Variants in POU1F1 observed in about 807,000 individuals in gnomAD.
POU1F1 encodes POU class 1 homeobox 1.
Under a neutral mutation model 32.3 loss-of-function variants are expected in POU1F1, and 23 were observed. The ratio of observed to expected loss-of-function variants is 0.71; its 90% confidence interval spans 0.51 to 1.01. POU1F1 has a LOEUF of 1.01. Among genes scored for constraint, POU1F1 ranks in the 50% least tolerant of loss-of-function variants. The pLI is 0.00. For missense variants in POU1F1, 323 were observed against 341.6 expected (o/e 0.95, Z 0.43); for synonymous variants, 120 against 115.6 (o/e 1.04, Z -0.25).
chr3:87,263,965 T>C (rs975707184), intron 3 of POU1F1, among the ~76,000 whole-genome samples: 1 of 152,048 alleles, frequency 6.6e-6, no homozygotes, highest in African/African-American at 2.4e-5. Flanking sequence ...ATGTCACTTA[T>C]ACTCTTTTGT....
rs754248685 is a variant in POU1F1, at chr3:87,264,279, A to C, written c.439+9T>G. 3 of 1,599,640 alleles carry C rather than the reference A, an allele frequency of 1.9e-6. No individual in the cohort carries two copies. The highest frequency in any genetic ancestry group is 1.7e-6 in the Non-Finnish European group (2 of 1,167,012). On this transcript the variant is annotated intron_variant, in intron 3 of 5. Transcript: ENST00000350375. ...GTTCTTTTTCCTGTTGCCTTTAACA[A>C]GCACATACCTAATTTAATTCGTCTC...
chr3:87,266,613 C>A (rs1396563664), intron 2 of POU1F1, among the ~76,000 whole-genome samples: 1 of 151,540 alleles, frequency 6.6e-6, no homozygotes, highest in Non-Finnish European at 1.5e-5. Flanking sequence ...AGTTAACTAT[C>A]CATTTTATGC....
At chr3:87,273,209 AGTG>A in intron 2 of POU1F1, 135 bp downstream of exon 2, 1 of 926,672 alleles carries the variant, frequency 1.1e-6, no homozygotes, top group Non-Finnish European at 1.7e-6. Context: ...GGAAACAAGA[AGTG>A]GTGATTTTTA....
chr3:87,270,033 CT>C (rs888456943), intron 2 of POU1F1, among the ~76,000 whole-genome samples: 13 of 151,476 alleles, frequency 8.6e-5, no homozygotes, highest in South Asian at 8.4e-4. Context: ...GTTTTGAGAA[CT>C]TTTTTTTTGA....
At chr3:87,264,588 C>G in intron 2 of POU1F1, 76 bp from the exon 3 acceptor site, 2 of 1,170,384 alleles carry the variant, frequency 1.7e-6, no homozygotes, top group Non-Finnish European at 1.3e-6. Context: ...AAGGGTTTTG[C>G]CTGACTTAGC....
At chr3:87,265,928 A>C (rs1706612186) in intron 2 of POU1F1, among the ~76,000 whole-genome samples, 1 of 151,582 alleles carries the variant, frequency 6.6e-6, no homozygotes, top group Non-Finnish European at 1.5e-5. Context: ...AATATTGAGT[A>C]ATTAATCATT....
intron 4 of POU1F1, 86 bp downstream of exon 4, chr3:87,261,985 C>T: frequency 6.5e-7 from 1 of 1,529,092 alleles, no homozygotes; most frequent in Non-Finnish European, 9.0e-7. Flanking sequence ...CCCCTCAAAC[C>T]TCCTGCTTTA....
chr3:87,269,115 A>G (rs1054616405), intron 2 of POU1F1, among the ~76,000 whole-genome samples: 1 of 152,182 alleles, frequency 6.6e-6, no homozygotes, highest in African/African-American at 2.4e-5. Flanking sequence ...ATTTCCATAT[A>G]TTCCCCTCTG....
rs77281245 is a variant in POU1F1 at position 87,270,193 on chromosome 3, C to T, written c.214+3154G>A. Among the ~76,000 whole-genome samples the T allele has an allele frequency of 4.6e-3, 694 of 151,982 alleles. 10 individuals carry two copies. The highest frequency in any genetic ancestry group is 0.016 in the African/African-American group (648 of 41,452). Reference sequence around the variant, plus strand: ...CAGAAGGAATTTAGCTGCAAGAGTACGTGAAGAGAAGGGCAAAAGAGAAAT... The same window carrying T: ...CAGAAGGAATTTAGCTGCAAGAGTATGTGAAGAGAAGGGCAAAAGAGAAAT... On this transcript the variant is annotated intron_variant, in intron 2 of 5. Transcript: ENST00000350375.
At chr3:87,268,659 T>C (rs1478020514) in intron 2 of POU1F1, among the ~76,000 whole-genome samples, 1 of 152,232 alleles carries the variant, frequency 6.6e-6, no homozygotes, top group East Asian at 1.9e-4. Flanking sequence ...AAAGATGTTG[T>C]GAGTCATGTG....
chr3:87,272,365 A>G (rs1559618408), intron 2 of POU1F1, among the ~76,000 whole-genome samples: 1 of 152,224 alleles, frequency 6.6e-6, no homozygotes, highest in Non-Finnish European at 1.5e-5. Context: ...CAGGTTAGTT[A>G]CATATGTATA....
chr3:87,262,637 C>T (rs72563136), intron 3 of POU1F1, among the ~76,000 whole-genome samples: 2,533 of 151,858 alleles, frequency 0.017, 61 homozygotes, highest in African/African-American at 0.058. Flanking sequence ...ATAAAATATA[C>T]GGTTATATAT....
chr3:87,263,904 A>G (rs1470406416), intron 3 of POU1F1, among the ~76,000 whole-genome samples: 1 of 152,000 alleles, frequency 6.6e-6, no homozygotes, highest in Non-Finnish European at 1.5e-5. Flanking sequence ...CATTGGAAAG[A>G]TACACAAGGA....
chr3:87,272,928 T>C (rs1706754382), intron 2 of POU1F1, among the ~76,000 whole-genome samples: 1 of 152,184 alleles, frequency 6.6e-6, no homozygotes, highest in African/African-American at 2.4e-5. Context: ...GCACTTGAAA[T>C]GTAGCAAGTG....
intron 2 of POU1F1, among the ~76,000 whole-genome samples, chr3:87,269,729 T>A (rs1195654196): frequency 1.3e-5 from 2 of 152,118 alleles, no homozygotes; most frequent in African/African-American, 4.8e-5. Flanking sequence ...AAGAATTGGA[T>A]GCTCATCATC....
chr3:87,276,507 A>G lies in POU1F1; in HGVS notation c.-45T>C. ...AATAAGGAGAACCGCTGCTCCCCAA[A>G]TCAGAGTTTTATTATATTACTGTCT... is the stretch of plus-strand genomic sequence containing the variant. On this transcript the variant is annotated 5_prime_UTR_variant, in exon 1 of 6. Transcript: ENST00000350375. 6.2e-7 allele frequency: 1 copy of G among 1,601,742 alleles called. No homozygotes were observed. Among genetic ancestry groups the G allele is most frequent in the Non-Finnish European group, 8.5e-7 (1 of 1,172,486 alleles).
At chr3:87,272,410 T>C (rs2646225) in intron 2 of POU1F1, among the ~76,000 whole-genome samples, 63,983 of 152,110 alleles carry the variant, frequency 0.42, 13,695 homozygotes, top group South Asian at 0.57. Context: ...CCCATTAACT[T>C]GTCATTTAGC....
At position 87,264,528 on chromosome 3, in the gene POU1F1, G is replaced by T; in HGVS notation, c.215-16C>A. Reference sequence around the variant, plus strand: ...GTTAAACTACCTGTGAGTAAACAAAGAAATAAAATGAAAAAGACCATTTGT... The same window carrying T: ...GTTAAACTACCTGTGAGTAAACAAATAAATAAAATGAAAAAGACCATTTGT... On this transcript the variant is annotated splice_polypyrimidine_tract_variant and intron_variant, in intron 2 of 5. Coordinates refer to ENST00000350375, the MANE Select transcript of POU1F1 (RefSeq NM_000306.4). The T allele has an allele frequency of 6.5e-7, 1 of 1,530,736 alleles. No homozygotes were observed. The highest frequency in any genetic ancestry group is 1.1e-5 in the South Asian group (1 of 89,320). 94.8% of individuals were successfully genotyped at this position (1,530,736 alleles called of 1,614,324 possible).
chr3:87,270,490 TGA>T (rs1262910426), intron 2 of POU1F1, among the ~76,000 whole-genome samples: 1 of 152,158 alleles, frequency 6.6e-6, no homozygotes, highest in Admixed American at 6.6e-5. Flanking sequence ...TCTTTTCCTG[TGA>T]GTTATTAATT....
Sources: gnomAD v4.1 joint callset for allele counts (sites outside exome capture counted in the v4.1 genomes callset) on GRCh38, gnomAD v4.1.1 for gene constraint, MANE v1.5 for transcripts, NCBI Gene and HGNC (gene_info 2026-07-23, HGNC 2026-07-21) for gene names.